Variants in CABLES1 observed in about 807,000 individuals in gnomAD.
CABLES1 encodes the protein Cdk5 and Abl enzyme substrate 1.
In CABLES1, 36 loss-of-function variants were observed where a neutral mutation model predicts 57.8. That is an observed-to-expected ratio of 0.62 (90% CI 0.48 to 0.82). The LOEUF is 0.82. Among genes scored for constraint, CABLES1 ranks in the 40% least tolerant of loss-of-function variants. The pLI is 0.00. For synonymous variants in CABLES1, 374 were observed against 363.0 expected, an observed-to-expected ratio of 1.03 and a Z score of -0.35; for missense variants, 767 against 836.6, an observed-to-expected ratio of 0.92 and a Z score of 1.03.
At chr18:23,235,349 G>A (rs961347183) in intron 5 of CABLES1, among the ~76,000 whole-genome samples, 4 of 151,580 alleles carry the variant, frequency 2.6e-5, no homozygotes, top group Admixed American at 6.6e-5. Context: ...TAGATAGAGC[G>A]CATGTGAGAT....
At chr18:23,154,041 A>G (rs1367640384) in intron 1 of CABLES1, among the ~76,000 whole-genome samples, 2 of 152,210 alleles carry the variant, frequency 1.3e-5, no homozygotes, top group Non-Finnish European at 1.5e-5. Flanking sequence ...AAAAAATTGT[A>G]GAAATGTCCC....
intron 4 of CABLES1, 181 bp downstream of exon 4, chr18:23,214,235 CGTT>C: frequency 3.5e-6 from 2 of 563,682 alleles, no homozygotes; most frequent in Middle Eastern, 5.3e-4. Context: ...AAAGCTTCCT[CGTT>C]GTGTGTGTGC....
At chr18:23,218,594 G>A (rs1247508922) in intron 4 of CABLES1, among the ~76,000 whole-genome samples, 3 of 78,240 alleles carry the variant, frequency 3.8e-5, no homozygotes, top group African/African-American at 1.8e-4. Flanking sequence ...CCTGCCTCCC[G>A]CATCCTCACT....
rs202114066 is a variant in CABLES1, at chr18:23,177,597, C to T, written c.846-11241C>T. On this transcript the variant is annotated intron_variant, in intron 1 of 9. Coordinates refer to ENST00000256925, the MANE Select transcript of CABLES1 (RefSeq NM_001100619.3). ...GCGAGCCTGTCTGTCTCCTGGTTCC[C>T]GCTGGGCTCTTTTCCTGGGGCCGGA... Among the ~76,000 whole-genome samples the T allele has an allele frequency of 7.9e-5, 12 of 152,266 alleles. No homozygotes were observed. In the East Asian group the frequency reaches 1.4e-3, roughly 17 times the overall value.
intron 3 of CABLES1, among the ~76,000 whole-genome samples, chr18:23,208,870 G>A (rs2047383466): frequency 6.6e-6 from 1 of 152,200 alleles, no homozygotes; most frequent in African/African-American, 2.4e-5. Context: ...TCCTTGGCTT[G>A]TAGCTGCATC....
rs201602276 is a variant in CABLES1, at chr18:23,253,801, C to T, written c.1626C>T (p.Phe542=). The change falls in exon 9 of 10, where the codon TTC becomes TTT. Residue 542 remains phenylalanine, a synonymous_variant. Transcript: ENST00000256925. ...GLEEPTVAMA[F]VYFEKLALKG... is the part of the protein sequence containing the mutation. ...AGGAGCCCACGGTGGCCATGGCCTT[C>T]GTCTACTTTGAAAAGCTCGCCCTCA... is the stretch of plus-strand genomic sequence containing the variant. 3.8e-4 allele frequency: 616 copies of T among 1,614,222 alleles called. 3 individuals are homozygous for T. In the South Asian group the frequency reaches 6.4e-3, roughly 17 times the overall value.
chr18:23,238,574 A>G (rs1248862749), intron 7 of CABLES1, among the ~76,000 whole-genome samples: 2 of 152,230 alleles, frequency 1.3e-5, no homozygotes, highest in Non-Finnish European at 2.9e-5. Context: ...GGGCATATTC[A>G]TCTTTGGCAG....
intron 7 of CABLES1, among the ~76,000 whole-genome samples, chr18:23,246,299 T>C (rs922212690): frequency 6.6e-6 from 1 of 151,736 alleles, no homozygotes; most frequent in Admixed American, 6.6e-5. Context: ...TCACTCAGAC[T>C]GTCCCAGGCC....
At chr18:23,211,162 G>A (rs991865807) in intron 3 of CABLES1, among the ~76,000 whole-genome samples, 1 of 151,902 alleles carries the variant, frequency 6.6e-6, no homozygotes, top group Non-Finnish European at 1.5e-5. Flanking sequence ...GACTTGGATT[G>A]CACTTGCATT....
chr18:23,253,494 A>G (rs1410535186), intron 8 of CABLES1, among the ~76,000 whole-genome samples: 6 of 152,198 alleles, frequency 3.9e-5, no homozygotes, highest in Non-Finnish European at 7.4e-5. Flanking sequence ...AAAGAAAAAC[A>G]AAAAAAGTAA....
chr18:23,222,522 CTCTCTCTCTG>C (rs138420436), intron 4 of CABLES1, among the ~76,000 whole-genome samples: 1 of 147,794 alleles, frequency 6.8e-6, no homozygotes, highest in Non-Finnish European at 1.5e-5. Context: ...CACGTTCTCT[CTCTCTCTCTG>C]TCTCTCTCTC....
At chr18:23,184,963 C>T (rs917310314) in intron 1 of CABLES1, among the ~76,000 whole-genome samples, 1 of 152,146 alleles carries the variant, frequency 6.6e-6, no homozygotes, top group African/African-American at 2.4e-5. Flanking sequence ...CTCATACTAT[C>T]ACAGTGGGGG....
At chr18:23,246,541 GC>G (rs1253098948) in intron 7 of CABLES1, among the ~76,000 whole-genome samples, 46 of 151,564 alleles carry the variant, frequency 3.0e-4, no homozygotes, top group Admixed American at 1.7e-3. Context: ...ACAGGCACCC[GC>G]CACCACACCC....
chr18:23,249,268 T>C (rs1172529678), intron 7 of CABLES1, among the ~76,000 whole-genome samples: 1 of 152,230 alleles, frequency 6.6e-6, no homozygotes, highest in Non-Finnish European at 1.5e-5. Flanking sequence ...CCAGCCTCCG[T>C]AGCACAACAG....
At chr18:23,148,828 A>T (rs1268915501) in intron 1 of CABLES1, among the ~76,000 whole-genome samples, 2 of 152,212 alleles carry the variant, frequency 1.3e-5, no homozygotes, top group East Asian at 3.9e-4. Flanking sequence ...GAATAGGCAC[A>T]GGTGTGAGCA....
At chr18:23,201,715 C>CT (rs1386639647) in intron 3 of CABLES1, among the ~76,000 whole-genome samples, 2 of 152,252 alleles carry the variant, frequency 1.3e-5, no homozygotes, top group African/African-American at 4.8e-5. Context: ...GGCACCTACT[C>CT]TGTGACTATT....
In CABLES1 at chr18:23,204,061, G is replaced by A. The variant is rs147815120; in HGVS notation, c.1010+9521G>A. ...ACTCCCCAGACCTCACTGGGGCTCC[G>A]GTTCCAGGCTCTTCCTTCACTGAGA... On this transcript the variant is annotated intron_variant, in intron 3 of 9. Transcript: ENST00000256925. Among the ~76,000 whole-genome samples, 846 of 152,236 alleles carry A rather than the reference G, an allele frequency of 5.6e-3. 11 individuals are homozygous for A. The highest frequency in any genetic ancestry group is 0.019 in the African/African-American group (805 of 41,538).
chr18:23,164,657 CT>C (rs11400807), intron 1 of CABLES1, among the ~76,000 whole-genome samples: 63,271 of 144,176 alleles, frequency 0.44, 14,300 homozygotes, highest in East Asian at 0.62. Flanking sequence ...CACACTAAAG[CT>C]TTTTTTTTTT....
chr18:23,219,313 A>C (rs2047468972), intron 4 of CABLES1: 1 of 454,032 alleles, frequency 2.2e-6, no homozygotes, highest in African/African-American at 2.0e-5. Flanking sequence ...TAGCAAAAAC[A>C]TTGAGTCCTA....
Sources: gnomAD v4.1 joint callset for allele counts (sites outside exome capture counted in the v4.1 genomes callset) on GRCh38, gnomAD v4.1.1 for gene constraint, MANE v1.5 for transcripts, NCBI Gene and HGNC (gene_info 2026-07-23, HGNC 2026-07-21) for gene names.